Variants in ABCD3 observed in about 807,000 individuals in gnomAD.
ABCD3 encodes the protein ATP-binding cassette sub-family D member 3.
Under a neutral mutation model 105.5 loss-of-function variants are expected in ABCD3, and 41 were observed. The ratio of observed to expected loss-of-function variants is 0.39; its 90% confidence interval spans 0.30 to 0.50. The LOEUF (loss-of-function observed/expected upper bound fraction) is 0.50. Ranked by LOEUF, ABCD3 falls within the 20% of genes least tolerant of loss-of-function variation. The pLI, the probability that ABCD3 is intolerant of heterozygous loss-of-function variation, is 0.84. For missense variants in ABCD3, 622 were observed against 806.3 expected (o/e 0.77, Z 2.77); for synonymous variants, 258 against 269.0 (o/e 0.96, Z 0.40).
chr1:94,433,395 C>G (rs768423782), intron 1 of ABCD3, among the ~76,000 whole-genome samples: 2 of 152,082 alleles, frequency 1.3e-5, no homozygotes, highest in Non-Finnish European at 2.9e-5. Context: ...CTCAGGTGAT[C>G]TGCCTGCCTT....
chr1:94,439,293 C>T (rs1381137426), intron 1 of ABCD3, among the ~76,000 whole-genome samples: 3 of 151,998 alleles, frequency 2.0e-5, no homozygotes, highest in African/African-American at 4.8e-5. Flanking sequence ...TTTTGCTTTT[C>T]CCTTTTAAAT....
chr1:94,473,328 C>T (rs1395957480), intron 4 of ABCD3, among the ~76,000 whole-genome samples: 2 of 152,126 alleles, frequency 1.3e-5, no homozygotes, highest in African/African-American at 4.8e-5. Flanking sequence ...TGCTGATCCC[C>T]ATTAAGTCTG....
chr1:94,483,315 A>C (rs1649116406), intron 10 of ABCD3, 76 bp downstream of exon 10: 4 of 1,004,090 alleles, frequency 4.0e-6, no homozygotes, highest in South Asian at 1.3e-5. Context: ...TATGGCCGAC[A>C]CACATACACA....
At chr1:94,395,529 A>T in the ABCD3 span, among the ~76,000 whole-genome samples, 4 of 152,196 alleles carry the variant, frequency 2.6e-5, no homozygotes, top group South Asian at 4.1e-4. Flanking sequence ...AATCAGGGGA[A>T]TAAGTCCGTC....
chr1:94,416,804 G>A (rs1292921314), upstream of ABCD3, among the ~76,000 whole-genome samples: 1 of 152,196 alleles, frequency 6.6e-6, no homozygotes, highest in Non-Finnish European at 1.5e-5. Context: ...ACTGTAGGCT[G>A]TTAAGAGCTC....
chr1:94,509,302 A>G (rs1367309708), intron 21 of ABCD3, among the ~76,000 whole-genome samples: 1 of 152,144 alleles, frequency 6.6e-6, no homozygotes, highest in Non-Finnish European at 1.5e-5. Context: ...TGATTTGCGT[A>G]TATTGAACCA....
intron 1 of ABCD3, among the ~76,000 whole-genome samples, chr1:94,449,089 TG>T (rs1236199331): frequency 2.0e-5 from 3 of 152,102 alleles, no homozygotes; most frequent in African/African-American, 4.8e-5. Context: ...AATAATAACT[TG>T]GGGTAGAGGT....
chr1:94,515,818 TCCTC>T (rs534390001), intron 22 of ABCD3, among the ~76,000 whole-genome samples: 61 of 151,572 alleles, frequency 4.0e-4, no homozygotes, highest in Middle Eastern at 3.4e-3. Flanking sequence ...TTTTCTTTCC[TCCTC>T]CCTCCCTCCC....
At chr1:94,452,786 G>GAGTGC (rs539437385) in intron 1 of ABCD3, among the ~76,000 whole-genome samples, 281 of 152,052 alleles carry the variant, frequency 1.8e-3, no homozygotes, top group African/African-American at 6.5e-3. Context: ...TCCCAGGCTG[G>GAGTGC]AGTGCAGTGG....
chr1:94,414,434 A>C (rs764053980), upstream of ABCD3, among the ~76,000 whole-genome samples: 6 of 152,140 alleles, frequency 3.9e-5, no homozygotes, highest in Admixed American at 6.5e-5. Context: ...CCTGACTCAC[A>C]TGGTCACTAC....
At chr1:94,504,842 G>A (rs1004752027) in intron 20 of ABCD3, among the ~76,000 whole-genome samples, 2 of 152,186 alleles carry the variant, frequency 1.3e-5, no homozygotes, top group African/African-American at 4.8e-5. Context: ...CAGGAGATGA[G>A]TGTGCTCTGG....
At chr1:94,475,443 A>G (rs1260340815) in intron 6 of ABCD3, among the ~76,000 whole-genome samples, 171 bp from the exon 7 acceptor site, 1 of 152,100 alleles carries the variant, frequency 6.6e-6, no homozygotes, top group Non-Finnish European at 1.5e-5. Context: ...CATTTTCTGG[A>G]CTTGTGTCCT....
chr1:94,393,794 G>A, the ABCD3 span, among the ~76,000 whole-genome samples: 1 of 152,146 alleles, frequency 6.6e-6, no homozygotes, highest in Non-Finnish European at 1.5e-5. Context: ...AATCAACCAA[G>A]AGACCTATTA....
chr1:94,425,866 TAG>T (rs1659448253), intron 1 of ABCD3, among the ~76,000 whole-genome samples: 2 of 152,214 alleles, frequency 1.3e-5, no homozygotes, highest in Admixed American at 6.5e-5. Flanking sequence ...GAATAGTCTT[TAG>T]AGTCAGATGT....
At chr1:94,394,249 G>C in the ABCD3 span, among the ~76,000 whole-genome samples, 1 of 152,142 alleles carries the variant, frequency 6.6e-6, no homozygotes, top group Admixed American at 6.5e-5. Context: ...CCAATGTAAT[G>C]GACCAGTATG....
At chr1:94,418,314 C>T (rs1659101031), upstream of ABCD3, 2 of 480,334 alleles carry the variant, frequency 4.2e-6, no homozygotes, top group Non-Finnish European at 3.5e-6. Flanking sequence ...ACAAAGTGGG[C>T]TCCAGAGCGC....
chr1:94,474,486 G>T (rs1225703913), intron 5 of ABCD3, among the ~76,000 whole-genome samples: 1 of 152,098 alleles, frequency 6.6e-6, no homozygotes, highest in Admixed American at 6.6e-5. Context: ...AAGCTTGGTT[G>T]TAAAATCCAG....
intron 16 of ABCD3, among the ~76,000 whole-genome samples, chr1:94,496,750 A>G (rs1430208724): frequency 3.7e-5 from 2 of 54,044 alleles, no homozygotes; most frequent in Non-Finnish European, 6.5e-5. Flanking sequence ...TTCCTGCTTC[A>G]GTGCCTTTGT....
intron 16 of ABCD3, among the ~76,000 whole-genome samples, chr1:94,495,010 G>C (rs1158099674): frequency 2.0e-5 from 3 of 152,138 alleles, no homozygotes; most frequent in African/African-American, 4.8e-5. Flanking sequence ...GTGCCAGTGA[G>C]GCAGAGGTTG....
Sources: gnomAD v4.1 joint callset for allele counts (sites outside exome capture counted in the v4.1 genomes callset) on GRCh38, gnomAD v4.1.1 for gene constraint, MANE v1.5 for transcripts, NCBI Gene and HGNC (gene_info 2026-07-23, HGNC 2026-07-21) for gene names.